The following PUM1 variants were observed in gnomAD, a reference collection of about 807,000 sequenced individuals.
The protein encoded by PUM1 is pumilio homolog 1.
A neutral mutation model predicts 131.8 loss-of-function variants in PUM1; 13 were observed. The observed-to-expected ratio is 0.10, with a 90% CI of 0.06 to 0.16. PUM1 has a LOEUF of 0.16. Ranked by LOEUF, PUM1 falls within the 10% of genes least tolerant of loss-of-function variation. The probability of loss-of-function intolerance (pLI) is 1.00; values close to 1 mark genes in which losing one functional copy is unlikely to be tolerated. For synonymous variants in PUM1, 509 were observed against 556.5 expected (o/e 0.91, Z 1.20); for missense variants, 961 against 1,512.4 (o/e 0.64, Z 6.05).
intron 10 of PUM1, among the ~76,000 whole-genome samples, chr1:30,969,316 C>CAAAAAAAAAA (rs763999971): frequency 3.8e-3 from 191 of 50,430 alleles, no homozygotes; most frequent in East Asian, 9.9e-3. Flanking sequence ...AACACACACA[C>CAAAAAAAAAA]AAAAAAAAAA....
chr1:31,000,526 T>G (rs560678770), intron 5 of PUM1, among the ~76,000 whole-genome samples: 6 of 152,332 alleles, frequency 3.9e-5, no homozygotes, highest in African/African-American at 1.4e-4. Flanking sequence ...CATGCACTTA[T>G]GGCTCAACTT....
At chr1:30,956,722 A>G (rs1640180067) in intron 14 of PUM1, among the ~76,000 whole-genome samples, 1 of 152,196 alleles carries the variant, frequency 6.6e-6, no homozygotes, top group Non-Finnish European at 1.5e-5. Flanking sequence ...GGGCGAACAC[A>G]CAATGTTTTG....
At chr1:31,009,719 G>T (rs1376886220) in intron 3 of PUM1, among the ~76,000 whole-genome samples, 1 of 134,350 alleles carries the variant, frequency 7.4e-6, no homozygotes, top group Non-Finnish European at 1.5e-5. Flanking sequence ...AATGAGCCAA[G>T]ATCACGCCAC....
intron 2 of PUM1, among the ~76,000 whole-genome samples, chr1:31,032,570 T>A (rs1477682202): frequency 4.3e-5 from 2 of 46,148 alleles, no homozygotes; most frequent in Admixed American, 2.2e-4. Flanking sequence ...GATCTTTTTT[T>A]TAAAAAAAAA....
chr1:31,003,593 C>T (rs1642293827), intron 5 of PUM1, among the ~76,000 whole-genome samples: 1 of 152,066 alleles, frequency 6.6e-6, no homozygotes, highest in Admixed American at 6.6e-5. Context: ...CGGATCTCTA[C>T]TAAAAATACA....
intron 20 of PUM1, among the ~76,000 whole-genome samples, chr1:30,937,855 G>A (rs1639278486): frequency 6.6e-6 from 1 of 151,370 alleles, no homozygotes; most frequent in Non-Finnish European, 1.5e-5. Flanking sequence ...TGCAACTTCT[G>A]CCTCCCGGAT....
Position 31,043,370 on chromosome 1 carries a change from A to AT in PUM1, c.364-14507dup, listed in dbSNP as rs533155364. Among the ~76,000 whole-genome samples the AT allele has an allele frequency of 3.6e-3, 512 of 143,726 alleles. 2 individuals are homozygous for AT. The highest frequency in any genetic ancestry group is 0.019 in the East Asian group (92 of 4,862). 94.3% of individuals were successfully genotyped at this position (143,726 alleles called of 152,430 possible). On this transcript the variant is annotated intron_variant, in intron 2 of 21. Transcript: ENST00000426105. Reference sequence around the variant, plus strand: ...GGCACCCCCCCATCATGTCCGGCTAATTTTTTTTTTTTTGTATTTTTGTAT... The same window carrying AT: ...GGCACCCCCCCATCATGTCCGGCTAATTTTTTTTTTTTTTGTATTTTTGTAT...
intron 6 of PUM1, among the ~76,000 whole-genome samples, chr1:30,993,952 C>A (rs545805852): frequency 1.3e-5 from 2 of 152,204 alleles, no homozygotes; most frequent in South Asian, 4.2e-4. Context: ...CGGCTGTAGT[C>A]CCAGCTACTC....
At chr1:30,958,188 C>T (rs745805649) in intron 14 of PUM1, among the ~76,000 whole-genome samples, 1 of 152,062 alleles carries the variant, frequency 6.6e-6, no homozygotes, top group Non-Finnish European at 1.5e-5. Context: ...AACTAAAAGG[C>T]GTATAAAACC....
intron 10 of PUM1, 54 bp from the exon 11 acceptor site, chr1:30,968,546 C>T: frequency 6.5e-7 from 1 of 1,549,882 alleles, no homozygotes; most frequent in Non-Finnish European, 8.7e-7. Flanking sequence ...TGGAGAAGAC[C>T]TACCCTATGC....
intron 20 of PUM1, among the ~76,000 whole-genome samples, chr1:30,940,520 T>C (rs532812928): frequency 1.3e-5 from 2 of 152,320 alleles, no homozygotes; most frequent in African/African-American, 4.8e-5. Flanking sequence ...ATGAGTCCTG[T>C]CCTGCCTTGC....
At chr1:31,044,238 A>G (rs1643901734) in intron 2 of PUM1, among the ~76,000 whole-genome samples, 1 of 151,990 alleles carries the variant, frequency 6.6e-6, no homozygotes, top group Admixed American at 6.6e-5. Context: ...CGTCTCAACT[A>G]AAAATACAAA....
At chr1:31,041,446 T>C (rs890784831) in intron 2 of PUM1, among the ~76,000 whole-genome samples, 2 of 152,090 alleles carry the variant, frequency 1.3e-5, no homozygotes, top group African/African-American at 4.8e-5. Flanking sequence ...AAGGATATTA[T>C]ACTTTGATAT....
At chr1:31,032,536 G>A (rs1045119536) in intron 2 of PUM1, among the ~76,000 whole-genome samples, 2 of 148,906 alleles carry the variant, frequency 1.3e-5, no homozygotes, top group African/African-American at 5.0e-5. Flanking sequence ...CTGCTCTGTT[G>A]CCCAGGCTGG....
chr1:30,996,774 T>C (rs1290972652), intron 5 of PUM1, among the ~76,000 whole-genome samples: 2 of 152,210 alleles, frequency 1.3e-5, no homozygotes, highest in African/African-American at 2.4e-5. Flanking sequence ...AGGAATATGA[T>C]AGGGTTCTAA....
intron 19 of PUM1, 118 bp downstream of exon 19, chr1:30,941,880 T>C (rs769155575): frequency 3.0e-5 from 34 of 1,114,776 alleles, no homozygotes; most frequent in Non-Finnish European, 4.2e-5. Flanking sequence ...AACCACAAGA[T>C]TCAAGGGTAT....
chr1:31,062,521 G>C (rs947610038), intron 1 of PUM1, among the ~76,000 whole-genome samples: 1 of 151,574 alleles, frequency 6.6e-6, no homozygotes, highest in Non-Finnish European at 1.5e-5. Flanking sequence ...TCGGGAGACT[G>C]AGGCAGAAGA....
At chr1:30,973,044 C>A in intron 10 of PUM1, 1 of 204,842 alleles carries the variant, frequency 4.9e-6, no homozygotes, top group East Asian at 1.7e-4. Context: ...TGCACCATTG[C>A]ACTCCAGCCT....
intron 5 of PUM1, among the ~76,000 whole-genome samples, chr1:30,999,568 C>T (rs1024527743): frequency 2.4e-5 from 3 of 124,726 alleles, no homozygotes; most frequent in Non-Finnish European, 4.7e-5. Context: ...GATCACACTG[C>T]TGCACTCCAG....
Sources: gnomAD v4.1 joint callset for allele counts (sites outside exome capture counted in the v4.1 genomes callset) on GRCh38, gnomAD v4.1.1 for gene constraint, MANE v1.5 for transcripts, NCBI Gene and HGNC (gene_info 2026-07-23, HGNC 2026-07-21) for gene names.